Variants in FAM184B observed in about 807,000 individuals in gnomAD.
FAM184B encodes protein FAM184B.
Under a neutral mutation model 135.9 loss-of-function variants are expected in FAM184B, and 111 were observed. That is an observed-to-expected ratio of 0.82 (90% confidence interval 0.70 to 0.96). The LOEUF is 0.96. FAM184B is among the 40% of genes least tolerant of loss of function. The pLI, the probability that FAM184B is intolerant of heterozygous loss-of-function variation, is 0.00. For missense variants in FAM184B, 1,375 were observed against 1,323.9 expected (o/e 1.04, Z -0.60); for synonymous variants, 552 against 524.8 (o/e 1.05, Z -0.71).
intron 5 of FAM184B, among the ~76,000 whole-genome samples, chr4:17,704,691 T>C (rs1020463336): frequency 5.9e-5 from 9 of 152,160 alleles, no homozygotes; most frequent in African/African-American, 2.2e-4. Context: ...GCAGAGTAAG[T>C]AGAGTTGAAT....
intron 1 of FAM184B, among the ~76,000 whole-genome samples, chr4:17,720,602 A>G (rs1378463555): frequency 6.6e-6 from 1 of 152,114 alleles, no homozygotes; most frequent in South Asian, 2.1e-4. Flanking sequence ...AAAATTAAAC[A>G]TAGGGCGAGG....
intron 14 of FAM184B, among the ~76,000 whole-genome samples, chr4:17,637,143 C>G (rs892395763): frequency 6.6e-6 from 1 of 152,172 alleles, no homozygotes; most frequent in Non-Finnish European, 1.5e-5. Context: ...TCTTGTGCCT[C>G]ACAGCCTCCT....
intron 11 of FAM184B, among the ~76,000 whole-genome samples, chr4:17,649,341 T>C (rs1437897981): frequency 1.3e-5 from 2 of 152,110 alleles, no homozygotes; most frequent in Non-Finnish European, 2.9e-5. Flanking sequence ...TCCCAGCACT[T>C]TGGGAGGCCG....
chr4:17,712,916 G>T lies in FAM184B; in HGVS notation c.142-3272C>A, dbSNP rs148709255. On this transcript the variant is annotated intron_variant, in intron 1 of 17. Coordinates refer to ENST00000265018, the MANE Select transcript of FAM184B (RefSeq NM_015688.2). ...CATTCATTACAAAATCATCATCGAC[G>T]GCCAGATGGCACCACTAGAGGTGAC... Among the ~76,000 whole-genome samples the T allele has an allele frequency of 2.6e-5, 4 of 152,270 alleles. No homozygotes were observed. In the East Asian group the frequency reaches 7.7e-4, roughly 29 times the overall value.
In FAM184B at chr4:17,631,504, C is replaced by T. The variant is rs1426425091; in HGVS notation, c.*1028G>A. 6.6e-6 allele frequency: 1 copy of T among 152,130 alleles called. No individual in the cohort carries two copies. Among genetic ancestry groups the T allele is most frequent in the Non-Finnish European group, 1.5e-5 (1 of 68,026 alleles). 9.4% of individuals were successfully genotyped at this position (152,130 alleles called of 1,614,324 possible). A position where few individuals can be genotyped will look rare whatever the true frequency, so the allele number is the denominator to read the frequency against. ...TTCAAAGAACAGATAATCTAGAGACCTTCACAAGTGATCATGTTGGCACTA... is the reference window on the plus strand; with the variant it reads ...TTCAAAGAACAGATAATCTAGAGACTTTCACAAGTGATCATGTTGGCACTA... On this transcript the variant is annotated 3_prime_UTR_variant, in exon 18 of 18. Coordinates refer to ENST00000265018, the MANE Select transcript of FAM184B (RefSeq NM_015688.2).
chr4:17,671,518 A>C (rs568025312), intron 7 of FAM184B, among the ~76,000 whole-genome samples: 1 of 152,238 alleles, frequency 6.6e-6, no homozygotes, highest in African/African-American at 2.4e-5. Flanking sequence ...AGGCTCATTA[A>C]TGGGGGATTC....
In FAM184B at chr4:17,688,546, A is replaced by G. The variant is rs1716645898; in HGVS notation, c.1489-15T>C. On this transcript the variant is annotated splice_polypyrimidine_tract_variant and intron_variant, in intron 6 of 17. Coordinates refer to ENST00000265018, the MANE Select transcript of FAM184B (RefSeq NM_015688.2). ...AGCCTTAAAACCTAAAACAGGAGAT[A>G]AGAAACACCACACAATGAAACCAGG... The G allele has an allele frequency of 6.5e-6, 10 of 1,526,818 alleles. No homozygotes were observed. The highest frequency in any genetic ancestry group is 1.2e-5 in the South Asian group (1 of 81,972). The allele number at this position is 1,526,818 out of a possible 1,614,324, so 94.6% of individuals were successfully genotyped here.
intron 5 of FAM184B, among the ~76,000 whole-genome samples, chr4:17,702,195 C>T (rs1490219251): frequency 1.3e-5 from 2 of 152,146 alleles, no homozygotes; most frequent in East Asian, 1.9e-4. Flanking sequence ...TTGTTAAATT[C>T]CTTTTCTGCC....
intron 9 of FAM184B, among the ~76,000 whole-genome samples, chr4:17,659,430 G>A (rs1365696778): frequency 1.3e-5 from 2 of 151,666 alleles, no homozygotes; most frequent in Non-Finnish European, 2.9e-5. Context: ...TATTTTGTCT[G>A]GTTTGTGCAT....
Position 17,767,819 on chromosome 4 carries a change from T to A in FAM184B, c.141+13340A>T, listed in dbSNP as rs184860761. Among the ~76,000 whole-genome samples the A allele has an allele frequency of 3.4e-3, 521 of 151,188 alleles. 2 individuals are homozygous for A. Among genetic ancestry groups the A allele is most frequent in the African/African-American group, 0.011 (453 of 41,172 alleles). Reference sequence around the variant, plus strand: ...TTTAAACAAGACTAATAAGGTAGGGTGCCAATCAACAAGCCATTCCCAAAG... The same window carrying A: ...TTTAAACAAGACTAATAAGGTAGGGAGCCAATCAACAAGCCATTCCCAAAG... On this transcript the variant is annotated intron_variant, in intron 1 of 17. Coordinates refer to ENST00000265018, the MANE Select transcript of FAM184B (RefSeq NM_015688.2).
chr4:17,733,436 A>T (rs1717833681), intron 1 of FAM184B, among the ~76,000 whole-genome samples: 1 of 152,208 alleles, frequency 6.6e-6, no homozygotes, highest in Non-Finnish European at 1.5e-5. Flanking sequence ...AGAAATCCCC[A>T]TCGTCTCAGC....
chr4:17,637,677 G>T (rs886551402), intron 14 of FAM184B, among the ~76,000 whole-genome samples: 2 of 152,318 alleles, frequency 1.3e-5, no homozygotes, highest in African/African-American at 2.4e-5. Flanking sequence ...GGAGACTGGA[G>T]AAGTTTTTAA....
intron 14 of FAM184B, 58 bp from the exon 15 acceptor site, chr4:17,636,703 G>T: frequency 7.5e-7 from 1 of 1,342,084 alleles, no homozygotes; most frequent in South Asian, 1.4e-5. Flanking sequence ...AACAAAGAGG[G>T]AGAACAAGTG....
rs1434864676 is a variant in FAM184B, at chr4:17,636,617, TC to T, written c.2694del (p.Lys899ArgfsTer19). Reference sequence around the variant, plus strand: ...AGGTCCTCGGGCCTGGACGCTCCCTTCCCTGGCTTCTCTCCGGAATCTTTCA... The same window carrying T: ...AGGTCCTCGGGCCTGGACGCTCCCTTCCTGGCTTCTCTCCGGAATCTTTCA... ...AELKDSGEKPGKGASRPEDLQ... is the reference protein window; with the variant it reads ...AELKDSGEKPXKGASRPEDLQ... On this transcript the variant is annotated frameshift_variant, in exon 15 of 18. Coordinates refer to ENST00000265018, the MANE Select transcript of FAM184B (RefSeq NM_015688.2). LOFTEE classifies it high-confidence loss of function. 6.4e-7 allele frequency: 1 copy of T among 1,550,470 alleles called. No homozygotes were observed. The highest frequency in any genetic ancestry group is 1.2e-5 in the South Asian group (1 of 84,052).
intron 9 of FAM184B, among the ~76,000 whole-genome samples, chr4:17,659,755 A>G (rs189126118): frequency 6.6e-6 from 1 of 152,214 alleles, no homozygotes; most frequent in Admixed American, 6.5e-5. Context: ...CAAAGTGCTG[A>G]GATTACAGGC....
chr4:17,672,290 G>A lies in FAM184B; in HGVS notation c.1597-7631C>T, dbSNP rs180700071. ...AATGCCAACTAAGAATACTATACCT[G>A]GGAAAACCCTCCTTCAAAAATAAAA... On this transcript the variant is annotated intron_variant, in intron 7 of 17. Coordinates refer to ENST00000265018, the MANE Select transcript of FAM184B (RefSeq NM_015688.2). Among the ~76,000 whole-genome samples, 161 of 152,146 alleles carry A rather than the reference G, an allele frequency of 1.1e-3. 2 individuals are homozygous for A. The South Asian group carries it at 0.023, about 21-fold the overall frequency.
At chr4:17,685,498 G>A (rs1448068741) in intron 7 of FAM184B, among the ~76,000 whole-genome samples, 3 of 146,698 alleles carry the variant, frequency 2.0e-5, no homozygotes, top group South Asian at 2.2e-4. Context: ...GCAGTGAGCC[G>A]AGATCATGCC....
At chr4:17,656,587 C>T (rs1715782809) in intron 10 of FAM184B, among the ~76,000 whole-genome samples, 1 of 152,054 alleles carries the variant, frequency 6.6e-6, no homozygotes, top group South Asian at 2.1e-4. Flanking sequence ...TTTTTAGTAG[C>T]AATGGGATTT....
chr4:17,737,378 T>C (rs1442773267), intron 1 of FAM184B, among the ~76,000 whole-genome samples: 2 of 152,230 alleles, frequency 1.3e-5, no homozygotes, highest in East Asian at 1.9e-4. Flanking sequence ...TCTTTTTTTT[T>C]TTTCTAAATT....
Sources: allele counts gnomAD v4.1 joint callset (sites outside exome capture counted in the v4.1 genomes callset), GRCh38; gene constraint gnomAD v4.1.1; transcripts MANE v1.5; gene names NCBI Gene and HGNC (gene_info 2026-07-23, HGNC 2026-07-21).